The following PDZD2 variants were observed in gnomAD, a reference collection of about 807,000 sequenced individuals.
PDZD2 encodes the protein PDZ domain containing 2.
PDZD2 carries 90 observed loss-of-function variants against 220.7 expected under a neutral mutation model. The observed-to-expected ratio is 0.41, with a 90% CI of 0.34 to 0.49. PDZD2 has a LOEUF of 0.49. PDZD2 is among the 20% of genes least tolerant of loss of function. The pLI is 0.28. For missense variants in PDZD2, 3,174 were observed against 3,608.5 expected (o/e 0.88, Z 3.08); for synonymous variants, 1,375 against 1,450.5 (o/e 0.95, Z 1.18).
At chr5:31,679,046 G>A (rs34365873) in intron 1 of PDZD2, among the ~76,000 whole-genome samples, 76,327 of 152,074 alleles carry the variant, frequency 0.5, 22,065 homozygotes, top group East Asian at 0.66. Context: ...TTTCCCTGCC[G>A]GACTATTTGG....
At chr5:31,674,950 C>T (rs960824177) in intron 1 of PDZD2, among the ~76,000 whole-genome samples, 6 of 152,260 alleles carry the variant, frequency 3.9e-5, no homozygotes, top group South Asian at 2.1e-4. Flanking sequence ...TGTGGGATCA[C>T]GAAGCCCCAG....
chr5:31,977,483 C>T (rs1424125270), intron 2 of PDZD2, among the ~76,000 whole-genome samples: 1 of 152,102 alleles, frequency 6.6e-6, no homozygotes, highest in East Asian at 1.9e-4. Flanking sequence ...CAGCTTTATT[C>T]CTCCAGCTGT....
intron 2 of PDZD2, among the ~76,000 whole-genome samples, chr5:31,807,391 T>C (rs1754800226): frequency 6.6e-6 from 1 of 152,212 alleles, no homozygotes; most frequent in South Asian, 2.1e-4. Context: ...AAAGGGGTTG[T>C]TGAGTGGATG....
intron 6 of PDZD2, among the ~76,000 whole-genome samples, chr5:32,016,490 C>T (rs1753795537): frequency 6.6e-6 from 1 of 152,204 alleles, no homozygotes; most frequent in African/African-American, 2.4e-5. Flanking sequence ...CGGAGTCTGA[C>T]TGGAAGGCAG....
intron 2 of PDZD2, among the ~76,000 whole-genome samples, chr5:31,898,808 C>CTTTTTTTTTT (rs35589628): frequency 5.8e-4 from 71 of 123,422 alleles, no homozygotes; most frequent in South Asian, 1.1e-3. Flanking sequence ...AGCCTCTCTT[C>CTTTTTTTTTT]TTTTTTTTTT....
intron 2 of PDZD2, among the ~76,000 whole-genome samples, chr5:31,819,658 A>AAAG (rs1361828331): frequency 1.4e-5 from 2 of 144,452 alleles, no homozygotes; most frequent in African/African-American, 4.9e-5. Context: ...CTCTGTCTCA[A>AAAG]AAAAAAAAAA....
intron 1 of PDZD2, among the ~76,000 whole-genome samples, chr5:31,783,960 C>T (rs1241495173): frequency 6.6e-6 from 1 of 152,100 alleles, no homozygotes; most frequent in Non-Finnish European, 1.5e-5. Flanking sequence ...GTCACTGAGT[C>T]TCCGGTCCCC....
chr5:31,886,240 A>C (rs1171261638), intron 2 of PDZD2, among the ~76,000 whole-genome samples: 1 of 152,204 alleles, frequency 6.6e-6, no homozygotes, highest in Non-Finnish European at 1.5e-5. Flanking sequence ...AAAACAGATC[A>C]GTGCATATCT....
Position 31,718,326 on chromosome 5 carries a change from A to G in PDZD2, c.-361+78889A>G, listed in dbSNP as rs539340330. Among the ~76,000 whole-genome samples, 6 of 152,282 alleles carry G rather than the reference A, an allele frequency of 3.9e-5. No individual in the cohort carries two copies. In the South Asian group the frequency reaches 1.2e-3, roughly 32 times the overall value. On this transcript the variant is annotated intron_variant, in intron 1 of 24. Transcript: ENST00000438447. ...GCAAGAGGCAGATGGGCCTGGGGGA[A>G]GAAGGTTTGGTAGCCAGAAGCTCCA...
At position 31,840,657 on chromosome 5, in the gene PDZD2, A is replaced by G. The variant is rs561567225; in HGVS notation, c.476+40933A>G. 4,088 of 730,724 alleles carry G rather than the reference A, an allele frequency of 5.6e-3. 25 individuals carry two copies. Among genetic ancestry groups the G allele is most frequent in the Non-Finnish European group, 8.7e-3 (3,453 of 396,226 alleles). 45.3% of individuals were successfully genotyped at this position (730,724 alleles called of 1,614,324 possible). On this transcript the variant is annotated intron_variant, in intron 2 of 24. Transcript: ENST00000438447. ...TCTGATCATTTTCCTCACGCGTTTC[A>G]GGAAGCTGTCTTGGCTCTTAGAGTG...
chr5:31,976,158 C>T (rs1169565960), intron 2 of PDZD2, among the ~76,000 whole-genome samples: 2 of 152,116 alleles, frequency 1.3e-5, no homozygotes, highest in East Asian at 3.8e-4. Context: ...AGAGAGTGCC[C>T]TTGGCAACCT....
chr5:31,896,490 T>C (rs1278824918), intron 2 of PDZD2, among the ~76,000 whole-genome samples: 1 of 152,078 alleles, frequency 6.6e-6, no homozygotes, highest in Non-Finnish European at 1.5e-5. Context: ...CAGATAGAAT[T>C]CATCCGCTCA....
Position 31,707,045 on chromosome 5 carries a change from G to A in PDZD2, c.-361+67608G>A, listed in dbSNP as rs186273202. Reference sequence around the variant, plus strand: ...GGTGGGGCCCTCATCCAGTAAGACTGGTGTCCTTCAAGAAAGCAAACACCA... The same window carrying A: ...GGTGGGGCCCTCATCCAGTAAGACTAGTGTCCTTCAAGAAAGCAAACACCA... On this transcript the variant is annotated intron_variant, in intron 1 of 24. Coordinates refer to ENST00000438447, the MANE Select transcript of PDZD2 (RefSeq NM_178140.4). Among the ~76,000 whole-genome samples, 303 of 151,254 alleles carry A rather than the reference G, an allele frequency of 2.0e-3. 1 individual carries two copies. Among genetic ancestry groups the A allele is most frequent in the African/African-American group, 7.0e-3 (287 of 41,194 alleles).
At chr5:31,683,207 T>TAAAAAAAAAAAAAA (rs35467814) in intron 1 of PDZD2, among the ~76,000 whole-genome samples, 4 of 129,054 alleles carry the variant, frequency 3.1e-5, no homozygotes, top group South Asian at 2.7e-4. Context: ...ATCAGAATGT[T>TAAAAAAAAAAAAAA]AAAAAAAAAA....
chr5:32,101,577 G>A (rs115367414), intron 24 of PDZD2, among the ~76,000 whole-genome samples: 2,119 of 152,234 alleles, frequency 0.014, 34 homozygotes, highest in African/African-American at 0.044. Flanking sequence ...TCCTTACTCC[G>A]GGCCCCTCTC....
At chr5:31,987,841 C>T (rs1359633758) in intron 3 of PDZD2, among the ~76,000 whole-genome samples, 1 of 152,178 alleles carries the variant, frequency 6.6e-6, no homozygotes, top group Non-Finnish European at 1.5e-5. Flanking sequence ...AACCCTCCGT[C>T]CTAGGGAGAG....
At chr5:31,717,219 T>C (rs991387967) in intron 1 of PDZD2, among the ~76,000 whole-genome samples, 2 of 152,096 alleles carry the variant, frequency 1.3e-5, no homozygotes, top group Non-Finnish European at 2.9e-5. Flanking sequence ...AGACCCAGTG[T>C]GGTATTGGAG....
intron 2 of PDZD2, among the ~76,000 whole-genome samples, chr5:31,864,131 A>G (rs1254834033): frequency 1.3e-5 from 2 of 152,252 alleles, no homozygotes; most frequent in East Asian, 3.9e-4. Context: ...GCATCTGGGT[A>G]TTTATCTCCC....
chr5:31,883,086 T>G (rs1362604987), intron 2 of PDZD2, among the ~76,000 whole-genome samples: 1 of 147,840 alleles, frequency 6.8e-6, no homozygotes, highest in African/African-American at 2.5e-5. Flanking sequence ...AGATAAGAAT[T>G]CCCTGCTCTC....
Sources: gnomAD v4.1 joint callset for allele counts (sites outside exome capture counted in the v4.1 genomes callset) on GRCh38, gnomAD v4.1.1 for gene constraint, MANE v1.5 for transcripts, NCBI Gene and HGNC (gene_info 2026-07-23, HGNC 2026-07-21) for gene names.